The following ASIP variants were observed in gnomAD, a reference collection of about 807,000 sequenced individuals.
The protein encoded by ASIP is agouti signaling protein, also known as agouti-signaling protein.
ASIP carries 11 observed loss-of-function variants against 10.3 expected under a neutral mutation model. The ratio of observed to expected loss-of-function variants is 1.07; its 90% CI spans 0.68 to 1.78. The LOEUF (loss-of-function observed/expected upper bound fraction) is 1.78, where lower values mean the gene tolerates loss of function less well. Ranked by LOEUF, ASIP falls within the 40% of genes most tolerant of loss-of-function variation. The probability of loss-of-function intolerance (pLI) is 0.00; values close to 1 mark genes in which losing one functional copy is unlikely to be tolerated. For synonymous variants in ASIP, 70 were observed against 70.8 expected (o/e 0.99, Z 0.06); for missense variants, 180 against 169.2 (o/e 1.06, Z -0.35).
At chr20:34,191,931 A>T (rs1380774983), upstream of ASIP, among the ~76,000 whole-genome samples, 1 of 152,062 alleles carries the variant, frequency 6.6e-6, no homozygotes, top group Non-Finnish European at 1.5e-5. Context: ...GGGTTTCACC[A>T]TGTTGGCCAG....
At chr20:34,201,033 TTTCTTTCTTTCTTTCTTTCTTTCTTTC>T (rs1568744518) in intron 1 of ASIP, among the ~76,000 whole-genome samples, 12 of 93,376 alleles carry the variant, frequency 1.3e-4, no homozygotes, top group African/African-American at 5.1e-4. Flanking sequence ...TCTTTCTTTC[TTTCTTTCTTTCTTTCTTTCTTTCTTTC>T]TTTTTTTTCC....
intron 1 of ASIP, among the ~76,000 whole-genome samples, chr20:34,224,673 C>A (rs1301704667): frequency 2.0e-5 from 3 of 151,200 alleles, no homozygotes; most frequent in Non-Finnish European, 4.4e-5. Context: ...GATTGTCTCA[C>A]CAGGACTTCT....
chr20:34,197,332 G>C (rs561091054), intron 1 of ASIP, among the ~76,000 whole-genome samples: 2 of 152,300 alleles, frequency 1.3e-5, no homozygotes, highest in East Asian at 3.9e-4. Flanking sequence ...CTGCACTCTA[G>C]CCTGGGCAGC....
chr20:34,238,376 T>C (rs903726424), upstream of ASIP, among the ~76,000 whole-genome samples: 3 of 152,184 alleles, frequency 2.0e-5, no homozygotes, highest in Non-Finnish European at 4.4e-5. Context: ...CTCAGTAATT[T>C]TCATGGTTCT....
chr20:34,220,783 G>T (rs1358655535), intron 1 of ASIP, among the ~76,000 whole-genome samples: 3 of 151,962 alleles, frequency 2.0e-5, no homozygotes, highest in Non-Finnish European at 2.9e-5. Flanking sequence ...GAATAATACA[G>T]ATTATATGGT....
chr20:34,243,815 A>C (rs2035323226), intron 1 of ASIP, among the ~76,000 whole-genome samples: 1 of 151,610 alleles, frequency 6.6e-6, no homozygotes, highest in African/African-American at 2.4e-5. Context: ...CTGTAATCCC[A>C]GCACTTTGGG....
intron 1 of ASIP, among the ~76,000 whole-genome samples, chr20:34,207,897 C>T (rs912241063): frequency 1.3e-5 from 2 of 152,024 alleles, no homozygotes; most frequent in Admixed American, 6.6e-5. Context: ...TCATGCCATT[C>T]TCCTGCCTCA....
intron 1 of ASIP, among the ~76,000 whole-genome samples, chr20:34,202,544 T>G (rs1366926395): frequency 1.3e-5 from 2 of 152,212 alleles, no homozygotes; most frequent in African/African-American, 4.8e-5. Context: ...TTTCCCTTTT[T>G]TTTCTGTATG....
At chr20:34,213,796 G>T in intron 1 of ASIP, 1 of 1,506,676 alleles carries the variant, frequency 6.6e-7, no homozygotes, top group Non-Finnish European at 9.2e-7. Context: ...ACAACTGAGG[G>T]CCAGCAAGAA....
intron 1 of ASIP, among the ~76,000 whole-genome samples, chr20:34,225,908 T>G (rs1601579875): frequency 6.6e-6 from 1 of 152,188 alleles, no homozygotes; most frequent in Non-Finnish European, 1.5e-5. Context: ...TTTTTTCTTT[T>G]TTTGAAACGG....
At chr20:34,216,034 G>T in intron 1 of ASIP, 1 of 639,506 alleles carries the variant, frequency 1.6e-6, no homozygotes, top group Non-Finnish European at 2.8e-6. Context: ...GGAGCCGAGC[G>T]GCGCAGCTCG....
At chr20:34,253,408 ATC>A (rs2035513385) in intron 1 of ASIP, among the ~76,000 whole-genome samples, 1 of 150,804 alleles carries the variant, frequency 6.6e-6, no homozygotes, top group Admixed American at 6.6e-5. Flanking sequence ...GCCCAGCCTG[ATC>A]TCTCTTTCTT....
chr20:34,202,151 A>G (rs2034904068), intron 1 of ASIP, among the ~76,000 whole-genome samples: 1 of 152,134 alleles, frequency 6.6e-6, no homozygotes, highest in Admixed American at 6.5e-5. Flanking sequence ...AGTCTTAAAG[A>G]TATTCTATCT....
At chr20:34,246,321 T>A (rs2035374803) in intron 1 of ASIP, 2 of 1,549,718 alleles carry the variant, frequency 1.3e-6, no homozygotes, top group Non-Finnish European at 1.7e-6. Flanking sequence ...GCTTCTTGTT[T>A]GGGTGAATTT....
intron 1 of ASIP, among the ~76,000 whole-genome samples, chr20:34,226,217 CGT>C (rs2035092089): frequency 6.6e-6 from 1 of 152,112 alleles, no homozygotes; most frequent in African/African-American, 2.4e-5. Flanking sequence ...TACTTTAGAA[CGT>C]GTGTCTCTTA....
At chr20:34,243,787 G>A (rs921965526) in intron 1 of ASIP, among the ~76,000 whole-genome samples, 1 of 150,058 alleles carries the variant, frequency 6.7e-6, no homozygotes, top group Non-Finnish European at 1.5e-5. Flanking sequence ...CTGTCTCGCC[G>A]GGCGCGGTGG....
intron 1 of ASIP, among the ~76,000 whole-genome samples, chr20:34,235,885 GGAAGGAAGGAAGGAAA>G (rs1568756336): frequency 9.8e-5 from 10 of 101,854 alleles, no homozygotes; most frequent in African/African-American, 4.6e-4. Flanking sequence ...AAGGAAGGAA[GGAAGGAAGGAAGGAAA>G]GGAAGGAAGG....
intron 1 of ASIP, among the ~76,000 whole-genome samples, chr20:34,209,996 A>C (rs1283749925): frequency 6.6e-6 from 1 of 152,184 alleles, no homozygotes; most frequent in Non-Finnish European, 1.5e-5. Context: ...CAATTCAGCC[A>C]GAGCTGAGCA....
intron 1 of ASIP, among the ~76,000 whole-genome samples, chr20:34,258,674 C>CATATATATATATATATATATATATAT (rs772655085): frequency 0.071 from 850 of 12,026 alleles, 189 homozygotes; most frequent in South Asian, 0.12. Flanking sequence ...AGGGGGATGC[C>CATATATATATATATATATATATATAT]ATATATATAT....
Sources: gnomAD v4.1 joint callset for allele counts (sites outside exome capture counted in the v4.1 genomes callset) on GRCh38, gnomAD v4.1.1 for gene constraint, MANE v1.5 for transcripts, NCBI Gene and HGNC (gene_info 2026-07-23, HGNC 2026-07-21) for gene names.